The following MPDZ variants were observed in gnomAD, a reference collection of about 807,000 sequenced individuals.
MPDZ encodes the protein multiple PDZ domain crumbs cell polarity complex component.
Under a neutral mutation model 239.1 loss-of-function variants are expected in MPDZ, and 234 were observed. The observed-to-expected ratio is 0.98, with a 90% CI of 0.88 to 1.09. The LOEUF (loss-of-function observed/expected upper bound fraction) is 1.09, where lower values mean the gene tolerates loss of function less well. MPDZ is among the 50% of genes least tolerant of loss of function. The pLI is 0.00. For missense variants in MPDZ, 3,175 were observed against 2,510.0 expected, an observed-to-expected ratio of 1.26 and a Z score of -5.66; for synonymous variants, 1,048 against 881.3, an observed-to-expected ratio of 1.19 and a Z score of -3.35.
intron 12 of MPDZ, 78 bp downstream of exon 12, chr9:13,204,958 G>T: frequency 1.0e-6 from 1 of 964,840 alleles, no homozygotes; most frequent in Non-Finnish European, 1.5e-6. Context: ...ATCCATAGAG[G>T]CTTAATCACA....
chr9:13,122,731 G>A (rs1395515288), intron 36 of MPDZ, among the ~76,000 whole-genome samples: 1 of 152,046 alleles, frequency 6.6e-6, no homozygotes, highest in African/African-American at 2.4e-5. Context: ...TGAACAGGCT[G>A]ATCTCAAACT....
In MPDZ at chr9:13,115,329, G is replaced by A; in HGVS notation, c.5385C>T (p.Ser1795=). The A allele has an allele frequency of 6.2e-7, 1 of 1,612,362 alleles. No homozygotes were observed. Residue 1795 remains serine (S), a synonymous_variant, in exon 40 of 47, where the codon TCC becomes TCT. Coordinates refer to ENST00000319217, the MANE Select transcript of MPDZ (RefSeq NM_001378778.1). ...QEAVAALLKC[S]LGTVTLEVGR... ...CAACTTCCAAGGTTACTGTGCCTAGGGAACACTGGGGGTGGGCATGGGGGG... is the reference window on the plus strand; with the variant it reads ...CAACTTCCAAGGTTACTGTGCCTAGAGAACACTGGGGGTGGGCATGGGGGG...
intron 3 of MPDZ, 69 bp from the exon 4 acceptor site, chr9:13,224,652 G>A (rs1436784585): frequency 1.6e-5 from 17 of 1,058,542 alleles, no homozygotes; most frequent in Admixed American, 7.5e-5. Flanking sequence ...AATATCCCAA[G>A]GGTACAAGGA....
chr9:13,114,250 C>T (rs1942996178), intron 40 of MPDZ, among the ~76,000 whole-genome samples: 1 of 152,088 alleles, frequency 6.6e-6, no homozygotes, highest in East Asian at 1.9e-4. Context: ...AAATTGATTC[C>T]AATCTACCTA....
In MPDZ at chr9:13,126,584, G is replaced by C. The variant is rs372104310; in HGVS notation, c.4564C>G (p.Arg1522Gly). The C allele has an allele frequency of 9.4e-6, 15 of 1,601,506 alleles. No individual in the cohort carries two copies. The highest frequency in any genetic ancestry group is 1.3e-5 in the African/African-American group (1 of 74,630). ...TEHGVAATDGRLKVGDQILAV... is the reference protein window; with the variant it reads ...TEHGVAATDGGLKVGDQILAV... ...AGTATCTGATCTCCGACTTTGAGTCGTCCATCCTAAATGGAAACGTAGAAG... is the reference window on the plus strand; with the variant it reads ...AGTATCTGATCTCCGACTTTGAGTCCTCCATCCTAAATGGAAACGTAGAAG... The change falls in exon 34 of 47, where the codon CGA becomes GGA. Residue 1522 changes from arginine to glycine, a missense_variant. By Grantham distance (125) the Arg-to-Gly change is moderately radical. Transcript: ENST00000319217.
rs150393677 is a variant in MPDZ at position 13,107,093 on chromosome 9, C to G, written c.6085G>C (p.Gly2029Arg). ...ATCTGATCGCCCCTTTTCAGACGTC[C>G]GTCTTCAGAGGCTGCTCCCTGCAAA... Reference protein sequence around the residue: ...VFAKGAASEDGRLKRGDQIIA... With the variant: ...VFAKGAASEDRRLKRGDQIIA... The change falls in exon 47 of 47, where the codon GGA becomes CGA. Residue 2029 changes from glycine (G) to arginine (R), a missense_variant. Physicochemically the swap from Gly to Arg is moderately radical, Grantham distance 125 (BLOSUM62 -2). Transcript: ENST00000319217. 2.3e-5 allele frequency: 36 copies of G among 1,577,076 alleles called. No individual in the cohort carries two copies. The highest frequency in any genetic ancestry group is 3.0e-5 in the Non-Finnish European group (34 of 1,152,046).
intron 1 of MPDZ, among the ~76,000 whole-genome samples, chr9:13,278,763 A>C (rs1974844193): frequency 6.6e-6 from 1 of 152,090 alleles, no homozygotes; most frequent in Non-Finnish European, 1.5e-5. Context: ...GGTACCAATT[A>C]GCGGCTCGCC....
intron 22 of MPDZ, among the ~76,000 whole-genome samples, chr9:13,165,912 A>G (rs1402053655): frequency 1.3e-5 from 2 of 152,114 alleles, no homozygotes; most frequent in East Asian, 3.9e-4. Flanking sequence ...TTGAAACTCA[A>G]ATTATCTACC....
At chr9:13,255,179 C>CTT (rs1179864934) in intron 1 of MPDZ, among the ~76,000 whole-genome samples, 4 of 152,198 alleles carry the variant, frequency 2.6e-5, no homozygotes, top group Non-Finnish European at 4.4e-5. Context: ...AAAGCAACTC[C>CTT]TCATTCATTC....
At chr9:13,133,516 A>G (rs2132122343) in intron 32 of MPDZ, among the ~76,000 whole-genome samples, 1 of 152,304 alleles carries the variant, frequency 6.6e-6, no homozygotes, top group Admixed American at 6.5e-5. Flanking sequence ...ATGGACAGAT[A>G]ACTAAATTTC....
rs796500378 is a variant in MPDZ, at chr9:13,228,361, T to C, written c.184-3778A>G. Among the ~76,000 whole-genome samples, 53 of 152,160 alleles carry C rather than the reference T, an allele frequency of 3.5e-4. 1 individual carries two copies. Among genetic ancestry groups the C allele is most frequent in the African/African-American group, 1.3e-3 (53 of 41,538 alleles). On this transcript the variant is annotated intron_variant, in intron 3 of 46. Transcript: ENST00000319217. ...TATACAACTTATTCAATTTAAAAGT[T>C]TGCAAATTCTATGTGAAAGGGCAAA...
At position 13,192,350 on chromosome 9, in the gene MPDZ, T is replaced by C. The variant is rs182368412; in HGVS notation, c.1804-55A>G. On this transcript the variant is annotated intron_variant, in intron 14 of 46. Coordinates refer to ENST00000319217, the MANE Select transcript of MPDZ (RefSeq NM_001378778.1). ...CAACACTTCATAATATGAACATTCT[T>C]TTGAACACAATTTTTTTATTAAATA... is the stretch of plus-strand genomic sequence containing the variant. The C allele has an allele frequency of 1.4e-4, 200 of 1,446,104 alleles. 1 individual carries two copies. In the East Asian group the frequency reaches 4.1e-3, roughly 30 times the overall value. 89.6% of individuals were successfully genotyped at this position (1,446,104 alleles called of 1,614,324 possible).
At chr9:13,201,969 C>G (rs969877867) in intron 12 of MPDZ, among the ~76,000 whole-genome samples, 1 of 152,006 alleles carries the variant, frequency 6.6e-6, no homozygotes, top group African/African-American at 2.4e-5. Context: ...CTTCTGCGTC[C>G]ATTGCTGGAG....
intron 34 of MPDZ, 55 bp downstream of exon 34, chr9:13,126,461 T>C: frequency 8.1e-7 from 1 of 1,238,014 alleles, no homozygotes; most frequent in South Asian, 1.4e-5. Flanking sequence ...ACAAACACTT[T>C]AATCATGCCC....
At chr9:13,240,700 C>G (rs1312905695) in intron 3 of MPDZ, among the ~76,000 whole-genome samples, 1 of 151,242 alleles carries the variant, frequency 6.6e-6, no homozygotes, top group Non-Finnish European at 1.5e-5. Flanking sequence ...AGCTAACCCC[C>G]AATTTCCTCA....
chr9:13,140,181 T>C lies in MPDZ; in HGVS notation c.3841-32A>G, dbSNP rs369276844. On this transcript the variant is annotated intron_variant, in intron 27 of 46. Transcript: ENST00000319217. ...GAACAAAAAGAATGCAGTGGGTTTG[T>C]ACAGTCTAAGGAAGAAAACTTCAAG... is the stretch of plus-strand genomic sequence containing the variant. 6 of 1,607,256 alleles carry C rather than the reference T, an allele frequency of 3.7e-6. No homozygotes were observed. The African/African-American group carries it at 6.7e-5, about 18-fold the overall frequency.
intron 17 of MPDZ, 26 bp downstream of exon 17, chr9:13,188,758 G>A: frequency 6.3e-7 from 1 of 1,591,880 alleles, no homozygotes; most frequent in Non-Finnish European, 8.6e-7. Flanking sequence ...AAATATAAAG[G>A]GAAGCAATAA....
intron 46 of MPDZ, among the ~76,000 whole-genome samples, chr9:13,107,491 G>C (rs1941673444): frequency 6.6e-6 from 1 of 152,136 alleles, no homozygotes; most frequent in African/African-American, 2.4e-5. Context: ...CAGAAAGAAG[G>C]TAAAGGATTA....
chr9:13,170,086 G>C (rs550345342), intron 21 of MPDZ, among the ~76,000 whole-genome samples: 1 of 152,226 alleles, frequency 6.6e-6, no homozygotes. Context: ...AGTGCTGAAA[G>C]TTTCTTCCAA....
Sources: allele counts gnomAD v4.1 joint callset (sites outside exome capture counted in the v4.1 genomes callset), GRCh38; gene constraint gnomAD v4.1.1; transcripts MANE v1.5; gene names NCBI Gene and HGNC (gene_info 2026-07-23, HGNC 2026-07-21).